SLC30A8: variants seen among roughly 807,000 people sequenced by gnomAD.
SLC30A8 encodes the protein solute carrier family 30 member 8.
SLC30A8 carries 27 observed loss-of-function variants against 36.9 expected under a neutral mutation model. The ratio of observed to expected loss-of-function variants is 0.73; its 90% CI spans 0.54 to 1.01. SLC30A8 has a LOEUF of 1.01. Ranked by LOEUF, SLC30A8 falls within the 50% of genes least tolerant of loss-of-function variation. SLC30A8 has a pLI of 0.00. For synonymous variants in SLC30A8, 164 were observed against 172.4 expected (o/e 0.95, Z 0.38); for missense variants, 439 against 452.0 (o/e 0.97, Z 0.26).
chr8:116,968,382 G>A (rs1242347649), intron 1 of SLC30A8, among the ~76,000 whole-genome samples: 1 of 149,730 alleles, frequency 6.7e-6, no homozygotes, highest in Non-Finnish European at 1.5e-5. Flanking sequence ...ATATTATATA[G>A]TATACTATAT....
chr8:117,105,686 A>G (rs75555349), intron 2 of SLC30A8, among the ~76,000 whole-genome samples: 4,166 of 152,136 alleles, frequency 0.027, 127 homozygotes, highest in African/African-American at 0.068. Flanking sequence ...AGGACTTCCA[A>G]TTGATTCAGT....
At chr8:117,046,265 G>T (rs571016869) in intron 2 of SLC30A8, among the ~76,000 whole-genome samples, 33 of 152,260 alleles carry the variant, frequency 2.2e-4, no homozygotes, top group African/African-American at 7.9e-4. Flanking sequence ...CAGAATTAGA[G>T]GGGTGGACCC....
intron 1 of SLC30A8, among the ~76,000 whole-genome samples, chr8:117,014,810 A>G (rs568568313): frequency 6.6e-6 from 1 of 152,194 alleles, no homozygotes; most frequent in South Asian, 2.1e-4. Context: ...TCCCTGCTAT[A>G]TAAACCCCTA....
chr8:117,033,841 G>C (rs563671692), intron 1 of SLC30A8, among the ~76,000 whole-genome samples: 7 of 152,234 alleles, frequency 4.6e-5, no homozygotes, highest in East Asian at 1.9e-4. Flanking sequence ...AAAACAACAT[G>C]GTCCTGCAAT....
At chr8:117,023,149 T>C (rs1290266507) in intron 1 of SLC30A8, among the ~76,000 whole-genome samples, 4 of 152,016 alleles carry the variant, frequency 2.6e-5, no homozygotes, top group African/African-American at 9.7e-5. Context: ...ATCAGAGAAA[T>C]GCAAATAAAA....
chr8:117,128,260 A>G (rs1458713587), intron 2 of SLC30A8, among the ~76,000 whole-genome samples: 1 of 152,088 alleles, frequency 6.6e-6, no homozygotes, highest in Non-Finnish European at 1.5e-5. Flanking sequence ...ATTATGGCAC[A>G]GCGGCCACAA....
chr8:117,119,804 T>C (rs1478454297), intron 2 of SLC30A8, among the ~76,000 whole-genome samples: 2 of 151,852 alleles, frequency 1.3e-5, no homozygotes, highest in Non-Finnish European at 2.9e-5. Context: ...AATCAACATA[T>C]AAAAATCAGT....
At chr8:117,167,510 T>TATATATAC (rs1485276508) in intron 6 of SLC30A8, among the ~76,000 whole-genome samples, 1 of 151,794 alleles carries the variant, frequency 6.6e-6, no homozygotes, top group Non-Finnish European at 1.5e-5. Flanking sequence ...TACATGTATA[T>TATATATAC]GTATATGTGT....
intron 5 of SLC30A8, among the ~76,000 whole-genome samples, chr8:117,162,792 G>A (rs184225947): frequency 6.6e-6 from 1 of 152,246 alleles, no homozygotes. Context: ...AAAGATAGTG[G>A]GGCACAGACT....
At chr8:117,160,582 C>A (rs1224002203) in intron 4 of SLC30A8, among the ~76,000 whole-genome samples, 1 of 152,204 alleles carries the variant, frequency 6.6e-6, no homozygotes, top group African/African-American at 2.4e-5. Context: ...TGAGTGACTA[C>A]ACAAGTTTTT....
At chr8:117,161,427 C>T (rs1296343084) in intron 4 of SLC30A8, among the ~76,000 whole-genome samples, 2 of 152,132 alleles carry the variant, frequency 1.3e-5, no homozygotes, top group Non-Finnish European at 2.9e-5. Context: ...AGGAGATTTC[C>T]TCCCTTCATT....
At position 117,135,057 on chromosome 8, in the gene SLC30A8, T is replaced by A. The variant is rs949611030; in HGVS notation, c.-271T>A. On this transcript the variant is annotated 5_prime_UTR_variant, in exon 1 of 8. Coordinates refer to ENST00000456015, the MANE Select transcript of SLC30A8 (RefSeq NM_173851.3). ...TGAATCAGATATCATATGAAAGACATACACACTTCATGTAATGCTACCTGC... is the reference window on the plus strand; with the variant it reads ...TGAATCAGATATCATATGAAAGACAAACACACTTCATGTAATGCTACCTGC... 3.3e-6 allele frequency: 1 copy of A among 304,082 alleles called. No homozygotes were observed. Among genetic ancestry groups the A allele is most frequent in the African/African-American group, 2.1e-5 (1 of 46,562 alleles). The allele number at this position is 304,082 out of a possible 1,614,324, so 18.8% of individuals were successfully genotyped here.
intron 1 of SLC30A8, among the ~76,000 whole-genome samples, chr8:117,009,345 A>C (rs1278345832): frequency 6.6e-6 from 1 of 152,238 alleles, no homozygotes; most frequent in Non-Finnish European, 1.5e-5. Context: ...CATATTGAAA[A>C]AACTGAGAGG....
chr8:117,153,018 C>A lies in SLC30A8; in HGVS notation c.346C>A (p.Leu116Ile). The A allele has an allele frequency of 6.2e-7, 1 of 1,613,646 alleles. No individual in the cohort carries two copies. The highest frequency in any genetic ancestry group is 8.5e-7 in the Non-Finnish European group (1 of 1,179,680). Residue 116 changes from leucine to isoleucine, a missense_variant, in exon 3 of 8, where the codon CTC becomes ATC. Leu to Ile is a conservative substitution (Grantham distance 5, BLOSUM62 2). Transcript: ENST00000456015. ...CTTAATTGACCTGACCAGTTTCCTG[C>A]TCAGTCTCTTCTCCCTGTGGTTGTC... ...HLLIDLTSFL[L>I]SLFSLWLSSK... is the part of the protein sequence containing the mutation.
intron 4 of SLC30A8, among the ~76,000 whole-genome samples, chr8:117,159,602 A>C (rs1822674268): frequency 6.6e-6 from 1 of 152,208 alleles, no homozygotes; most frequent in Non-Finnish European, 1.5e-5. Flanking sequence ...AATGTGTTTC[A>C]CATTGGCACT....
chr8:116,959,153 CTT>C (rs1318755233), intron 1 of SLC30A8, among the ~76,000 whole-genome samples: 2 of 152,008 alleles, frequency 1.3e-5, no homozygotes, highest in Admixed American at 6.6e-5. Context: ...CCGGCCCACT[CTT>C]TTCATTTTTT....
intron 4 of SLC30A8, among the ~76,000 whole-genome samples, chr8:117,160,272 C>T (rs957052883): frequency 3.3e-5 from 5 of 152,218 alleles, no homozygotes; most frequent in African/African-American, 1.2e-4. Context: ...AACATTTCCT[C>T]CCATCAGCAT....
In SLC30A8 at chr8:116,965,622, C is replaced by T. The variant is rs561122663; in HGVS notation, c.-266+14503C>T. Among the ~76,000 whole-genome samples the T allele has an allele frequency of 9.8e-5, 15 of 152,300 alleles. 1 individual carries two copies. In the South Asian group the frequency reaches 2.9e-3, roughly 29 times the overall value. ...AGGATTTTGAGGGGCTTCCCATCGC[C>T]TATTCAGTCTGGCTCCAAGCTCCAG... is the stretch of plus-strand genomic sequence containing the variant. On this transcript the variant is annotated intron_variant, in intron 1 of 10. Coordinates refer to the SLC30A8 transcript ENST00000427715.
intron 1 of SLC30A8, among the ~76,000 whole-genome samples, chr8:117,140,248 A>C (rs1821588057): frequency 6.6e-6 from 1 of 152,098 alleles, no homozygotes; most frequent in Non-Finnish European, 1.5e-5. Context: ...ACAGAGCCTC[A>C]GAGAAATGTG....
Sources: gnomAD v4.1 joint callset for allele counts (sites outside exome capture counted in the v4.1 genomes callset) on GRCh38, gnomAD v4.1.1 for gene constraint, MANE v1.5 for transcripts, NCBI Gene and HGNC (gene_info 2026-07-23, HGNC 2026-07-21) for gene names.